The following PGM5 variants were observed in gnomAD, a reference collection of about 807,000 sequenced individuals.
PGM5 encodes the protein phosphoglucomutase-like protein 5.
PGM5 carries 23 observed loss-of-function variants against 59.2 expected under a neutral mutation model. The ratio of observed to expected loss-of-function variants is 0.39; its 90% CI spans 0.28 to 0.55. The LOEUF (loss-of-function observed/expected upper bound fraction) is 0.55, where lower values mean the gene tolerates loss of function less well. Ranked by LOEUF, PGM5 falls within the 20% of genes least tolerant of loss-of-function variation. The pLI, the probability that PGM5 is intolerant of heterozygous loss-of-function variation, is 0.66. For missense variants in PGM5, 574 were observed against 748.3 expected (o/e 0.77, Z 2.72); for synonymous variants, 214 against 286.0 (o/e 0.75, Z 2.54).
chr9:68,482,132 T>C (rs1285149901), intron 8 of PGM5, among the ~76,000 whole-genome samples: 1 of 152,176 alleles, frequency 6.6e-6, no homozygotes, highest in Non-Finnish European at 1.5e-5. Flanking sequence ...TAGATCCTGC[T>C]TGTATATGAA....
At chr9:68,489,709 C>T (rs1462115480) in intron 9 of PGM5, among the ~76,000 whole-genome samples, 4 of 152,132 alleles carry the variant, frequency 2.6e-5, no homozygotes, top group East Asian at 3.9e-4. Context: ...TCAAGTGATC[C>T]GCCCACCTCG....
chr9:68,485,686 G>A (rs1211539583), intron 9 of PGM5, among the ~76,000 whole-genome samples: 3 of 152,132 alleles, frequency 2.0e-5, no homozygotes, highest in African/African-American at 7.2e-5. Context: ...ACACTCTTCT[G>A]TCTGAGCTCA....
chr9:68,359,981 G>T (rs1156405383), intron 1 of PGM5, among the ~76,000 whole-genome samples: 1 of 152,044 alleles, frequency 6.6e-6, no homozygotes, highest in Non-Finnish European at 1.5e-5. Context: ...AGTAGCTGGG[G>T]CTATAGGTGC....
chr9:68,361,154 G>A (rs1381292405), intron 1 of PGM5, among the ~76,000 whole-genome samples: 2 of 152,168 alleles, frequency 1.3e-5, no homozygotes, highest in African/African-American at 2.4e-5. Flanking sequence ...CTGGCCTCAA[G>A]TGATCCTTCC....
chr9:68,362,064 T>A (rs1834589276), intron 1 of PGM5, among the ~76,000 whole-genome samples: 1 of 149,460 alleles, frequency 6.7e-6, no homozygotes, highest in South Asian at 2.1e-4. Context: ...TTGCTTGAGT[T>A]GATTATTTCA....
chr9:68,529,805 GA>G lies in PGM5; in HGVS notation c.*157del, dbSNP rs547357808. On this transcript the variant is annotated 3_prime_UTR_variant, in exon 11 of 11. Coordinates refer to ENST00000396396, the MANE Select transcript of PGM5 (RefSeq NM_021965.4). The stretch of plus-strand genomic sequence containing the variant: ...GGGGGATAGAGGGTGGGTGGGAAAA[GA>G]AAAAAAATCCATTTGGTTTTGGTTT... 3 of 534,734 alleles carry G rather than the reference GA, an allele frequency of 5.6e-6. No homozygotes were observed. The highest frequency in any genetic ancestry group is 3.4e-5 in the East Asian group (1 of 29,264). 33.1% of individuals were successfully genotyped at this position (534,734 alleles called of 1,614,324 possible). A position where few individuals can be genotyped will look rare whatever the true frequency, so the allele number is the denominator to read the frequency against.
chr9:68,411,394 T>C (rs553577727), intron 6 of PGM5, among the ~76,000 whole-genome samples: 3 of 147,796 alleles, frequency 2.0e-5, no homozygotes, highest in South Asian at 2.2e-4. Context: ...AATATATATA[T>C]ACACACACAT....
At chr9:68,478,374 C>A (rs1824138827) in intron 7 of PGM5, among the ~76,000 whole-genome samples, 1 of 152,258 alleles carries the variant, frequency 6.6e-6, no homozygotes, top group South Asian at 2.1e-4. Context: ...TGGAATACGT[C>A]ATCCCCAGAT....
At chr9:68,384,225 T>C (rs547313263) in intron 2 of PGM5, among the ~76,000 whole-genome samples, 173 bp from the exon 3 acceptor site, 36 of 152,056 alleles carry the variant, frequency 2.4e-4, no homozygotes, top group Non-Finnish European at 2.4e-4. Context: ...ATTTCCCCCA[T>C]AGTGGATGAG....
chr9:68,508,233 G>A lies in PGM5; in HGVS notation c.1614+8872G>A, dbSNP rs111937238. 4.3e-3 allele frequency among the ~76,000 whole-genome samples: 661 copies of A among 152,090 alleles called. 7 individuals carry two copies. Among genetic ancestry groups the A allele is most frequent in the African/African-American group, 0.015 (632 of 41,476 alleles). ...TAATTCCAAATCTTGCAAGAATACCGGCATTGCCAGCTTATCCCGAGAACC... is the reference window on the plus strand; with the variant it reads ...TAATTCCAAATCTTGCAAGAATACCAGCATTGCCAGCTTATCCCGAGAACC... On this transcript the variant is annotated intron_variant, in intron 10 of 10. Transcript: ENST00000396396.
rs1338470986 is a variant in PGM5 at position 68,530,574 on chromosome 9, T to C, written c.*918T>C. Reference sequence around the variant, plus strand: ...TAGGGGCCTATCTTAATGCACTTGTTTGGACACATTTCTGATCTTATTTGT... The same window carrying C: ...TAGGGGCCTATCTTAATGCACTTGTCTGGACACATTTCTGATCTTATTTGT... On this transcript the variant is annotated 3_prime_UTR_variant, in exon 11 of 11. Coordinates refer to ENST00000396396, the MANE Select transcript of PGM5 (RefSeq NM_021965.4). The C allele has an allele frequency of 2.6e-5, 4 of 152,206 alleles. No individual in the cohort carries two copies. Among genetic ancestry groups the C allele is most frequent in the African/African-American group, 9.7e-5 (4 of 41,450 alleles). The allele number at this position is 152,206 out of a possible 1,614,324, so 9.4% of individuals were successfully genotyped here.
chr9:68,414,305 C>T (rs1386677521), intron 6 of PGM5, among the ~76,000 whole-genome samples: 2 of 152,184 alleles, frequency 1.3e-5, no homozygotes, highest in Non-Finnish European at 2.9e-5. Context: ...ACAAAATGGA[C>T]TAAGACACCC....
At chr9:68,451,717 G>T (rs931159660) in intron 6 of PGM5, among the ~76,000 whole-genome samples, 3 of 152,182 alleles carry the variant, frequency 2.0e-5, no homozygotes, top group Non-Finnish European at 2.9e-5. Flanking sequence ...TCTCTGAAGG[G>T]TGTAGTCTAC....
At chr9:68,408,711 G>A (rs376060922) in intron 6 of PGM5, among the ~76,000 whole-genome samples, 2,513 of 151,992 alleles carry the variant, frequency 0.017, 61 homozygotes, top group African/African-American at 0.055. Flanking sequence ...GTTTTAGGTC[G>A]AACGTTTAAG....
At position 68,512,867 on chromosome 9, in the gene PGM5, G is replaced by A. The variant is rs74834776; in HGVS notation, c.1614+13506G>A. 6.5e-4 allele frequency among the ~76,000 whole-genome samples: 99 copies of A among 152,312 alleles called. No homozygotes were observed. The East Asian group carries it at 0.018, about 28-fold the overall frequency. Reference sequence around the variant, plus strand: ...AAGCCGCCACAGGTAATACATAAATGAATTAGTGAAGCTATATTCCAATAA... The same window carrying A: ...AAGCCGCCACAGGTAATACATAAATAAATTAGTGAAGCTATATTCCAATAA... On this transcript the variant is annotated intron_variant, in intron 10 of 10. Transcript: ENST00000396396.
chr9:68,505,464 GC>G (rs1379171719), intron 10 of PGM5, among the ~76,000 whole-genome samples: 1 of 152,208 alleles, frequency 6.6e-6, no homozygotes, highest in Non-Finnish European at 1.5e-5. Context: ...CAAATGGGGT[GC>G]ACAGGCTACC....
chr9:68,479,530 A>T lies in PGM5; in HGVS notation c.1272A>T (p.Lys424Asn), dbSNP rs1200408777. The change falls in exon 8 of 11, where the codon AAA (lysine) becomes AAT (asparagine). Residue 424 changes from lysine (K) to asparagine (N), a missense_variant. Physicochemically the swap from Lys to Asn is moderately conservative, Grantham distance 94 (BLOSUM62 0). Coordinates refer to ENST00000396396, the MANE Select transcript of PGM5 (RefSeq NM_021965.4). ...VEEIVRDHWAKFGRHYYCRFD... is the reference protein window; with the variant it reads ...VEEIVRDHWANFGRHYYCRFD... ...AAATTGTCCGAGATCACTGGGCCAA[A>T]TTTGGCCGCCACTACTATTGCAGGT... The T allele has an allele frequency of 1.2e-6, 2 of 1,613,922 alleles. No individual in the cohort carries two copies. Among genetic ancestry groups the T allele is most frequent in the Non-Finnish European group, 1.7e-6 (2 of 1,179,974 alleles).
chr9:68,457,385 C>T (rs761514287), intron 6 of PGM5, among the ~76,000 whole-genome samples: 1 of 152,154 alleles, frequency 6.6e-6, no homozygotes, highest in Admixed American at 6.5e-5. Flanking sequence ...GCTTTGGGAA[C>T]ACTGATAATG....
At chr9:68,398,040 ATTC>A (rs1287804345) in intron 6 of PGM5, 2 of 152,190 alleles carry the variant, frequency 1.3e-5, no homozygotes, top group African/African-American at 4.8e-5. Context: ...GGTGATCTCG[ATTC>A]TTACCACGTC....
Sources: gnomAD v4.1 joint callset for allele counts (sites outside exome capture counted in the v4.1 genomes callset) on GRCh38, gnomAD v4.1.1 for gene constraint, MANE v1.5 for transcripts, NCBI Gene and HGNC (gene_info 2026-07-23, HGNC 2026-07-21) for gene names.